TNFAIP6: variants seen among roughly 807,000 people sequenced by gnomAD.
The protein encoded by TNFAIP6 is tumor necrosis factor-inducible gene 6 protein.
In TNFAIP6, 36 loss-of-function variants were observed where a neutral mutation model predicts 33.7. The ratio of observed to expected loss-of-function variants is 1.07; its 90% CI spans 0.82 to 1.41. The LOEUF is 1.41. Ranked by LOEUF, TNFAIP6 falls within the 40% of genes most tolerant of loss-of-function variation. TNFAIP6 has a pLI of 0.00. For missense variants in TNFAIP6, 273 were observed against 331.9 expected (o/e 0.82, Z 1.38); for synonymous variants, 113 against 112.8 (o/e 1.00, Z -0.01).
chr2:151,369,452 G>C (rs1684774256), intron 3 of TNFAIP6, among the ~76,000 whole-genome samples: 1 of 151,960 alleles, frequency 6.6e-6, no homozygotes, highest in African/African-American at 2.4e-5. Context: ...ACTACACCTA[G>C]CCATTTTTTT....
intron 5 of TNFAIP6, among the ~76,000 whole-genome samples, chr2:151,373,936 A>ATT (rs1684856375): frequency 6.6e-6 from 1 of 152,188 alleles, no homozygotes; most frequent in Admixed American, 6.5e-5. Context: ...GGTTGAAGTC[A>ATT]TTTATAAAGT....
intron 1 of TNFAIP6, among the ~76,000 whole-genome samples, chr2:151,363,114 A>G (rs919650601): frequency 5.9e-5 from 9 of 151,544 alleles, no homozygotes; most frequent in African/African-American, 2.2e-4. Flanking sequence ...TCAGGAGTTC[A>G]AGACTAGCCT....
chr2:151,370,798 G>A (rs1191558372), intron 4 of TNFAIP6, among the ~76,000 whole-genome samples: 2 of 152,154 alleles, frequency 1.3e-5, no homozygotes, highest in Non-Finnish European at 2.9e-5. Context: ...GGCCGGGCAC[G>A]GTGTCTCACG....
intron 5 of TNFAIP6, among the ~76,000 whole-genome samples, chr2:151,376,860 C>CTTT (rs1256047816): frequency 8.8e-6 from 1 of 113,362 alleles, no homozygotes; most frequent in Admixed American, 8.5e-5. Context: ...ATTTCTTTTT[C>CTTT]TTTTCTTTTT....
chr2:151,373,589 G>A lies in TNFAIP6; in HGVS notation c.664G>A (p.Gly222Arg). Reference sequence around the variant, plus strand: ...GCTTCCAGATGACATCATCAGTACAGGTAAGGTTTTAAATTGAGGACCAAA... The same window carrying A: ...GCTTCCAGATGACATCATCAGTACAAGTAAGGTTTTAAATTGAGGACCAAA... ...DELPDDIIST[G>R]NVMTLKFLSD... The change falls in exon 5 of 6, where the codon GGA becomes AGA. Residue 222 changes from glycine (G) to arginine (R), a missense_variant and splice_region_variant. By Grantham distance (125) the Gly-to-Arg change is moderately radical. Transcript: ENST00000243347. 1 of 1,533,974 alleles carries A rather than the reference G, an allele frequency of 6.5e-7. No individual in the cohort carries two copies. The highest frequency in any genetic ancestry group is 8.8e-7 in the Non-Finnish European group (1 of 1,134,624).
At chr2:151,377,581 T>C (rs919373008) in intron 5 of TNFAIP6, among the ~76,000 whole-genome samples, 1 of 152,178 alleles carries the variant, frequency 6.6e-6, no homozygotes, top group Non-Finnish European at 1.5e-5. Flanking sequence ...TCTCTCACAA[T>C]AGAAGAGCAA....
chr2:151,379,552 T>C lies in TNFAIP6; in HGVS notation c.*19T>C. On this transcript the variant is annotated 3_prime_UTR_variant, in exon 6 of 6. Transcript: ENST00000243347. The stretch of plus-strand genomic sequence containing the variant: ...CTTATAAAAAAAAAAAAAAGGATGA[T>C]CAAAACACACAGTGTTTATGTTGGA... 1 of 1,468,990 alleles carries C rather than the reference T, an allele frequency of 6.8e-7. No individual in the cohort carries two copies. Among genetic ancestry groups the C allele is most frequent in the Admixed American group, 2.3e-5 (1 of 44,140 alleles). 91.0% of individuals were successfully genotyped at this position (1,468,990 alleles called of 1,614,324 possible).
Position 151,370,096 on chromosome 2 carries a change from T to A in TNFAIP6, c.471T>A (p.Asp157Glu), listed in dbSNP as rs1339954648. ...CAGGCTTCCCAAATGAGTACGAAGA[T>A]AACCAAATCTGCTACTGGCACATTA... Reference protein sequence around the residue: ...KSPGFPNEYEDNQICYWHIRL... With the variant: ...KSPGFPNEYEENQICYWHIRL... The change falls in exon 4 of 6, where the codon GAT (aspartate) becomes GAA (glutamate). Residue 157 changes from aspartate to glutamate, a missense_variant. By Grantham distance (45) the Asp-to-Glu change is conservative. Coordinates refer to ENST00000243347, the MANE Select transcript of TNFAIP6 (RefSeq NM_007115.4). The A allele has an allele frequency of 6.2e-7, 1 of 1,614,140 alleles. No homozygotes were observed. Among genetic ancestry groups the A allele is most frequent in the Admixed American group, 1.7e-5 (1 of 60,018 alleles).
chr2:151,363,536 C>T (rs988173474), intron 1 of TNFAIP6, among the ~76,000 whole-genome samples: 1 of 151,178 alleles, frequency 6.6e-6, no homozygotes, highest in African/African-American at 2.4e-5. Context: ...ATGGCGGGCA[C>T]CTGTAGTCCC....
At chr2:151,364,610 A>C (rs1684681760) in intron 2 of TNFAIP6, among the ~76,000 whole-genome samples, 2 of 152,228 alleles carry the variant, frequency 1.3e-5, no homozygotes, top group South Asian at 4.1e-4. Flanking sequence ...TAGAAGCAGA[A>C]AGAAACTGGG....
At chr2:151,369,204 AC>A (rs372397752) in intron 3 of TNFAIP6, among the ~76,000 whole-genome samples, 2 of 152,124 alleles carry the variant, frequency 1.3e-5, no homozygotes, top group African/African-American at 4.8e-5. Context: ...AACAACAACA[AC>A]AAAAAATAGG....
chr2:151,369,201 AC>A (rs2152015743), intron 3 of TNFAIP6, among the ~76,000 whole-genome samples: 1 of 152,296 alleles, frequency 6.6e-6, no homozygotes, highest in Admixed American at 6.5e-5. Context: ...AAAAACAACA[AC>A]AACAAAAAAT....
chr2:151,375,055 G>A (rs1558901560), intron 5 of TNFAIP6, among the ~76,000 whole-genome samples: 1 of 148,318 alleles, frequency 6.7e-6, no homozygotes, highest in Admixed American at 7.0e-5. Flanking sequence ...AACCCGGGAG[G>A]CAGAGGTTGT....
At chr2:151,378,810 A>C (rs62169365) in intron 5 of TNFAIP6, among the ~76,000 whole-genome samples, 37,139 of 151,168 alleles carry the variant, frequency 0.25, 5,276 homozygotes, top group East Asian at 0.39. Context: ...TTTAAATACA[A>C]GAGAGAGGCC....
intron 5 of TNFAIP6, among the ~76,000 whole-genome samples, chr2:151,377,067 G>T (rs951619501): frequency 1.3e-5 from 2 of 151,852 alleles, no homozygotes; most frequent in African/African-American, 4.8e-5. Context: ...CTGAAGTCCT[G>T]AATTCAAGCT....
chr2:151,357,627 G>A lies in TNFAIP6; in HGVS notation c.-40G>A. 1 of 1,265,794 alleles carries A rather than the reference G, an allele frequency of 7.9e-7. No homozygotes were observed. Among genetic ancestry groups the A allele is most frequent in the Non-Finnish European group, 1.2e-6 (1 of 864,434 alleles). 78.4% of individuals were successfully genotyped at this position (1,265,794 alleles called of 1,614,324 possible). A position where few individuals can be genotyped will look rare whatever the true frequency, so the allele number is the denominator to read the frequency against. On this transcript the variant is annotated 5_prime_UTR_variant, in exon 1 of 6. Transcript: ENST00000243347. ...CAGCCACTGCTCTGAGAATTTGTGA[G>A]CAGCCCCTAACAGGCTGTTACTTCA...
intron 3 of TNFAIP6, among the ~76,000 whole-genome samples, chr2:151,369,702 G>A (rs1684778506): frequency 2.0e-5 from 3 of 152,256 alleles, no homozygotes; most frequent in Non-Finnish European, 2.9e-5. Flanking sequence ...TTGAGCCAAG[G>A]AGTTCAAGGC....
chr2:151,360,050 C>G (rs1209229645), intron 1 of TNFAIP6, among the ~76,000 whole-genome samples: 1 of 152,114 alleles, frequency 6.6e-6, no homozygotes, highest in Non-Finnish European at 1.5e-5. Context: ...AATCCTAGCA[C>G]TGTGGGAGTC....
At position 151,370,007 on chromosome 2, in the gene TNFAIP6, C is replaced by T. The variant is rs1459056340; in HGVS notation, c.395-13C>T. On this transcript the variant is annotated splice_polypyrimidine_tract_variant and intron_variant, in intron 3 of 5. Coordinates refer to ENST00000243347, the MANE Select transcript of TNFAIP6 (RefSeq NM_007115.4). ...GCTTTGGGGTTTTTACGTTTTTTTT[C>T]TTCTCATTTCAGCAAAGGAGTGTGG... 4.5e-6 allele frequency: 7 copies of T among 1,571,328 alleles called. No homozygotes were observed. Among genetic ancestry groups the T allele is most frequent in the Admixed American group, 1.9e-5 (1 of 52,016 alleles).
Sources: gnomAD v4.1 joint callset for allele counts (sites outside exome capture counted in the v4.1 genomes callset) on GRCh38, gnomAD v4.1.1 for gene constraint, MANE v1.5 for transcripts, NCBI Gene and HGNC (gene_info 2026-07-23, HGNC 2026-07-21) for gene names.